Variants in PEPD observed in about 807,000 individuals in gnomAD.
PEPD encodes the protein xaa-Pro dipeptidase.
A neutral mutation model predicts 60.7 loss-of-function variants in PEPD; 53 were observed. The observed-to-expected ratio is 0.87, with a 90% CI of 0.70 to 1.10. PEPD has a LOEUF of 1.10. Among genes scored for constraint, PEPD ranks in the 50% least tolerant of loss-of-function variants. The probability of loss-of-function intolerance (pLI) is 0.00; values close to 1 mark genes in which losing one functional copy is unlikely to be tolerated. For synonymous variants in PEPD, 267 were observed against 284.1 expected, an observed-to-expected ratio of 0.94 and a Z score of 0.60; for missense variants, 711 against 711.9, an observed-to-expected ratio of 1.00 and a Z score of 0.01.
intron 9 of PEPD, among the ~76,000 whole-genome samples, chr19:33,420,650 C>T (rs934278115): frequency 9.9e-5 from 15 of 151,832 alleles, no homozygotes; most frequent in African/African-American, 2.7e-4. Context: ...TGTAGTGAGC[C>T]GAGATCGCAC....
chr19:33,502,959 G>GGC (rs1306818266), intron 3 of PEPD, among the ~76,000 whole-genome samples: 3 of 140,860 alleles, frequency 2.1e-5, no homozygotes, highest in Non-Finnish European at 4.7e-5. Flanking sequence ...GGGCGGGGGG[G>GGC]GGTGTTGTGG....
chr19:33,436,424 A>C (rs1022727334), intron 9 of PEPD, among the ~76,000 whole-genome samples: 1 of 152,102 alleles, frequency 6.6e-6, no homozygotes, highest in Non-Finnish European at 1.5e-5. Context: ...CTGCCTCATC[A>C]TGATGGGCCT....
At chr19:33,497,359 G>T (rs941262047) in intron 4 of PEPD, among the ~76,000 whole-genome samples, 4 of 152,274 alleles carry the variant, frequency 2.6e-5, no homozygotes, top group African/African-American at 9.6e-5. Flanking sequence ...CGCTTCACCT[G>T]CCAGCTCTCA....
At chr19:33,429,158 A>G (rs1247413132) in intron 9 of PEPD, among the ~76,000 whole-genome samples, 4 of 152,146 alleles carry the variant, frequency 2.6e-5, no homozygotes, top group Non-Finnish European at 5.9e-5. Context: ...CAGAGGGGGC[A>G]GAGTTGGGCA....
At chr19:33,455,678 ATTTTTT>A (rs34754945) in intron 9 of PEPD, among the ~76,000 whole-genome samples, 1 of 134,620 alleles carries the variant, frequency 7.4e-6, no homozygotes, top group Admixed American at 7.6e-5. Flanking sequence ...AATTAAAAAC[ATTTTTT>A]TTTTTTTTTT....
At chr19:33,464,206 C>T in intron 7 of PEPD, 144 bp from the exon 8 acceptor site, 1 of 705,644 alleles carries the variant, frequency 1.4e-6, no homozygotes, top group Non-Finnish European at 2.6e-6. Context: ...CCACCAAGGC[C>T]CAGGAGTGAC....
intron 11 of PEPD, among the ~76,000 whole-genome samples, chr19:33,409,586 G>A (rs1568456628): frequency 6.6e-6 from 1 of 152,152 alleles, no homozygotes; most frequent in Non-Finnish European, 1.5e-5. Context: ...GAGGTGGGAG[G>A]ATCTCTTAAG....
intron 4 of PEPD, among the ~76,000 whole-genome samples, chr19:33,498,402 C>T (rs1970648361): frequency 6.6e-6 from 1 of 152,238 alleles, no homozygotes; most frequent in Non-Finnish European, 1.5e-5. Context: ...TCAAGGTGGC[C>T]TGTCTCTTAC....
At chr19:33,391,512 G>T in intron 12 of PEPD, 33 bp from the exon 13 acceptor site, 1 of 1,539,340 alleles carries the variant, frequency 6.5e-7, no homozygotes, top group South Asian at 1.2e-5. Flanking sequence ...GTGAGCCACA[G>T]AGCCCAGCAG....
At chr19:33,431,474 G>A (rs571020255) in intron 9 of PEPD, among the ~76,000 whole-genome samples, 3 of 152,238 alleles carry the variant, frequency 2.0e-5, no homozygotes, top group East Asian at 1.9e-4. Flanking sequence ...TCTTCATTCC[G>A]CCCAAGACAA....
intron 9 of PEPD, among the ~76,000 whole-genome samples, chr19:33,458,793 GTGGTATA>G: frequency 1.3e-5 from 2 of 150,782 alleles, no homozygotes; most frequent in Non-Finnish European, 3.0e-5. Flanking sequence ...TGAGGTGTGT[GTGGTATA>G]GGGCATGTGT....
Position 33,493,277 on chromosome 19 carries a change from A to G in PEPD, c.441+13T>C. 6.2e-7 allele frequency: 1 copy of G among 1,601,022 alleles called. No individual in the cohort carries two copies. The highest frequency in any genetic ancestry group is 1.1e-5 in the South Asian group (1 of 90,688). ...GCCAAGCACTGCCCCACCCCTGGAC[A>G]CCAGCCACTTACCAAAGTGAGGAGG... On this transcript the variant is annotated intron_variant, in intron 5 of 14. Coordinates refer to ENST00000244137, the MANE Select transcript of PEPD (RefSeq NM_000285.4).
chr19:33,388,185 CT>C (rs1401307628), intron 13 of PEPD, 104 bp from the exon 14 acceptor site: 2 of 985,062 alleles, frequency 2.0e-6, no homozygotes, highest in East Asian at 5.2e-5. Context: ...CTCGTGGGCT[CT>C]CTTGACCATT....
intron 12 of PEPD, among the ~76,000 whole-genome samples, chr19:33,399,516 C>G (rs1189465581): frequency 1.3e-5 from 2 of 152,120 alleles, no homozygotes; most frequent in Non-Finnish European, 2.9e-5. Flanking sequence ...GGCACTGCCC[C>G]CAGCGTCCCT....
rs188493605 is a variant in PEPD at position 33,480,229 on chromosome 19, C to T, written c.504-2139G>A. Among the ~76,000 whole-genome samples, 10 of 152,134 alleles carry T rather than the reference C, an allele frequency of 6.6e-5. No homozygotes were observed. The East Asian group carries it at 1.4e-3, about 21-fold the overall frequency. On this transcript the variant is annotated intron_variant, in intron 6 of 14. Transcript: ENST00000244137. ...AAACGATATGCTACACAAACAGAAA[C>T]GAAAGTGGAACTAGAATGGCTATAC... is the stretch of plus-strand genomic sequence containing the variant.
At chr19:33,513,726 G>C (rs888587318) in intron 1 of PEPD, among the ~76,000 whole-genome samples, 1 of 152,180 alleles carries the variant, frequency 6.6e-6, no homozygotes, top group Non-Finnish European at 1.5e-5. Flanking sequence ...AGCCACAAGG[G>C]ATCCAGACCC....
intron 13 of PEPD, among the ~76,000 whole-genome samples, chr19:33,390,216 C>G (rs775630420): frequency 6.6e-6 from 1 of 152,160 alleles, no homozygotes; most frequent in African/African-American, 2.4e-5. Flanking sequence ...AAGATGAAAA[C>G]AGTTTGCTGC....
chr19:33,492,825 T>C (rs1970525653), intron 5 of PEPD, among the ~76,000 whole-genome samples: 1 of 152,184 alleles, frequency 6.6e-6, no homozygotes, highest in Admixed American at 6.5e-5. Flanking sequence ...CATAAACAGC[T>C]ATTCAGACTG....
At chr19:33,392,903 T>C (rs1968259857) in intron 12 of PEPD, among the ~76,000 whole-genome samples, 1 of 137,038 alleles carries the variant, frequency 7.3e-6, no homozygotes. Context: ...GTCCTTCATG[T>C]TGGGACCCCT....
Sources: gnomAD v4.1 joint callset for allele counts (sites outside exome capture counted in the v4.1 genomes callset) on GRCh38, gnomAD v4.1.1 for gene constraint, MANE v1.5 for transcripts, NCBI Gene and HGNC (gene_info 2026-07-23, HGNC 2026-07-21) for gene names.